Variants in OR9Q1 observed in about 807,000 individuals in gnomAD.
OR9Q1 encodes the protein olfactory receptor 9Q1.
For synonymous variants in OR9Q1, 153 were observed against 148.6 expected (o/e 1.03, Z -0.22); for missense variants, 374 against 378.8 (o/e 0.99, Z 0.11).
Position 58,123,742 on chromosome 11 carries a change from G to A in OR9Q1, c.-14-55689G>A, listed in dbSNP as rs549881984. ...TTATCATGTTCTCTTTTTAGGGCAT[G>A]AGAAAGACCCTTTATGCAGATCCAA... is the stretch of plus-strand genomic sequence containing the variant. On this transcript the variant is annotated intron_variant, in intron 2 of 2. Transcript: ENST00000335397. 1.4e-3 allele frequency among the ~76,000 whole-genome samples: 217 copies of A among 152,258 alleles called. 1 individual carries two copies. The highest frequency in any genetic ancestry group is 5.0e-3 in the African/African-American group (208 of 41,566).
At chr11:58,172,773 A>T (rs1854567238) in intron 2 of OR9Q1, among the ~76,000 whole-genome samples, 1 of 152,210 alleles carries the variant, frequency 6.6e-6, no homozygotes, top group Non-Finnish European at 1.5e-5. Context: ...ACGTCAGGGT[A>T]AATGGGGTAT....
At chr11:58,069,426 C>T (rs1463072057) in intron 2 of OR9Q1, among the ~76,000 whole-genome samples, 2 of 152,112 alleles carry the variant, frequency 1.3e-5, no homozygotes, top group African/African-American at 4.8e-5. Flanking sequence ...GAGGCTGGTT[C>T]TGCTTGGATT....
At chr11:58,113,461 A>G (rs879613882) in intron 2 of OR9Q1, among the ~76,000 whole-genome samples, 3 of 152,170 alleles carry the variant, frequency 2.0e-5, no homozygotes, top group Non-Finnish European at 4.4e-5. Context: ...GCTAGGAGAC[A>G]CTTCCCAACT....
At chr11:58,090,285 G>C (rs372887980) in intron 2 of OR9Q1, among the ~76,000 whole-genome samples, 1 of 152,146 alleles carries the variant, frequency 6.6e-6, no homozygotes, top group African/African-American at 2.4e-5. Flanking sequence ...CTGTGGTTTT[G>C]TCATAAATAG....
chr11:58,160,639 A>G (rs962150978), intron 2 of OR9Q1, among the ~76,000 whole-genome samples: 2 of 152,178 alleles, frequency 1.3e-5, no homozygotes, highest in Non-Finnish European at 2.9e-5. Flanking sequence ...TCAAAAAAAG[A>G]TTTCTTGTTT....
intron 2 of OR9Q1, among the ~76,000 whole-genome samples, chr11:58,110,135 T>G (rs1053334502): frequency 2.6e-5 from 4 of 152,178 alleles, no homozygotes; most frequent in Non-Finnish European, 5.9e-5. Flanking sequence ...CAGAGCTCTT[T>G]ATGTGATGGA....
intron 2 of OR9Q1, among the ~76,000 whole-genome samples, chr11:58,158,174 C>T (rs1436272706): frequency 2.0e-5 from 3 of 152,152 alleles, no homozygotes; most frequent in Non-Finnish European, 2.9e-5. Flanking sequence ...TGATTCTTTC[C>T]GTCCTTCTTT....
chr11:58,031,341 T>C, intron 1 of OR9Q1: 1 of 1,614,194 alleles, frequency 6.2e-7, no homozygotes, highest in East Asian at 2.2e-5. Flanking sequence ...TATGTGGCCA[T>C]TTGTATGCCT....
At chr11:58,069,491 A>G (rs970377659) in intron 2 of OR9Q1, among the ~76,000 whole-genome samples, 1 of 152,086 alleles carries the variant, frequency 6.6e-6, no homozygotes, top group African/African-American at 2.4e-5. Context: ...GGCTACCTAA[A>G]TCTGCAAGAT....
At chr11:58,158,172 T>A (rs1421803225) in intron 2 of OR9Q1, among the ~76,000 whole-genome samples, 1 of 152,210 alleles carries the variant, frequency 6.6e-6, no homozygotes, top group African/African-American at 2.4e-5. Context: ...TCTGATTCTT[T>A]CCGTCCTTCT....
chr11:58,121,717 ACT>A (rs1460124155), intron 2 of OR9Q1, among the ~76,000 whole-genome samples: 1 of 152,080 alleles, frequency 6.6e-6, no homozygotes, highest in Non-Finnish European at 1.5e-5. Flanking sequence ...TTGTTAAGAA[ACT>A]CTTTTCCTTG....
chr11:58,035,246 C>T (rs1051303605), intron 1 of OR9Q1, among the ~76,000 whole-genome samples: 1 of 129,064 alleles, frequency 7.7e-6, no homozygotes, highest in Non-Finnish European at 1.6e-5. Flanking sequence ...GCCCAGTCAC[C>T]ATTTAATTAT....
chr11:58,115,499 T>C (rs1477979149), intron 2 of OR9Q1, among the ~76,000 whole-genome samples: 1 of 152,196 alleles, frequency 6.6e-6, no homozygotes, highest in East Asian at 1.9e-4. Context: ...CACAGGTGCG[T>C]ACAGTTTTTG....
intron 2 of OR9Q1, among the ~76,000 whole-genome samples, chr11:58,162,985 T>A (rs1854469859): frequency 6.6e-6 from 1 of 152,142 alleles, no homozygotes; most frequent in African/African-American, 2.4e-5. Flanking sequence ...GGAAAGAAAG[T>A]GAGAGAGAAG....
At chr11:58,133,306 G>A (rs943245441) in intron 2 of OR9Q1, among the ~76,000 whole-genome samples, 1 of 152,202 alleles carries the variant, frequency 6.6e-6, no homozygotes, top group East Asian at 1.9e-4. Context: ...CACTGGAGGA[G>A]CAGAAGGGAT....
chr11:58,135,662 T>A (rs1195105369), intron 2 of OR9Q1, among the ~76,000 whole-genome samples: 2 of 152,326 alleles, frequency 1.3e-5, no homozygotes, highest in East Asian at 3.9e-4. Context: ...ACTTTATACA[T>A]CTTTGTTGCA....
intron 2 of OR9Q1, among the ~76,000 whole-genome samples, chr11:58,133,481 G>A (rs1590608266): frequency 6.6e-6 from 1 of 152,160 alleles, no homozygotes; most frequent in African/African-American, 2.4e-5. Flanking sequence ...TGATTTTCTG[G>A]GAGCACAATG....
At chr11:58,031,346 A>G (rs1379393542) in intron 1 of OR9Q1, 3 of 1,614,044 alleles carry the variant, frequency 1.9e-6, no homozygotes, top group Non-Finnish European at 1.7e-6. Flanking sequence ...GGCCATTTGT[A>G]TGCCTCTCCA....
At chr11:58,174,855 C>T (rs1365085480) in intron 2 of OR9Q1, among the ~76,000 whole-genome samples, 2 of 151,326 alleles carry the variant, frequency 1.3e-5, no homozygotes, top group Non-Finnish European at 2.9e-5. Context: ...CTTGTAATCT[C>T]AGAAATTTGG....
Sources: gnomAD v4.1 joint callset for allele counts (sites outside exome capture counted in the v4.1 genomes callset) on GRCh38, gnomAD v4.1.1 for gene constraint, MANE v1.5 for transcripts, NCBI Gene and HGNC (gene_info 2026-07-23, HGNC 2026-07-21) for gene names.